LRCH1: variants seen among roughly 807,000 people sequenced by gnomAD.
The protein encoded by LRCH1 is leucine-rich repeat and calponin homology domain-containing protein 1.
In LRCH1, 23 loss-of-function variants were observed where a neutral mutation model predicts 94.9. The ratio of observed to expected loss-of-function variants is 0.24; its 90% CI spans 0.17 to 0.34. LRCH1 has a LOEUF of 0.34. LRCH1 is among the 10% of genes least tolerant of loss of function. The pLI, the probability that LRCH1 is intolerant of heterozygous loss-of-function variation, is 1.00. For missense variants in LRCH1, 790 were observed against 945.9 expected (o/e 0.84, Z 2.16); for synonymous variants, 364 against 354.9 (o/e 1.03, Z -0.29).
rs185503920 is a variant in LRCH1, at chr13:46,562,012, G to A, written c.307+8309G>A. Among the ~76,000 whole-genome samples, 6 of 152,216 alleles carry A rather than the reference G, an allele frequency of 3.9e-5. No homozygotes were observed. In the South Asian group the frequency reaches 6.2e-4, roughly 16 times the overall value. On this transcript the variant is annotated intron_variant, in intron 1 of 19. Coordinates refer to ENST00000389797, the MANE Select transcript of LRCH1 (RefSeq NM_001164211.2). Reference sequence around the variant, plus strand: ...ACTGGCCTGTGAGATTTGGCTAGACGGGACTTTTCCTGATTTTTGTATGGC... The same window carrying A: ...ACTGGCCTGTGAGATTTGGCTAGACAGGACTTTTCCTGATTTTTGTATGGC...
At chr13:46,619,620 G>A (rs1329209012) in intron 1 of LRCH1, among the ~76,000 whole-genome samples, 1 of 152,184 alleles carries the variant, frequency 6.6e-6, no homozygotes, top group Non-Finnish European at 1.5e-5. Context: ...CATTGTCAGA[G>A]TAACCTTATG....
Position 46,631,356 on chromosome 13 carries a change from A to G in LRCH1, c.308-18845A>G, listed in dbSNP as rs537839003. On this transcript the variant is annotated intron_variant, in intron 1 of 19. Transcript: ENST00000389797. ...ACTTGTCTTGGGGTTTGTCCCTCATATGTTCAGCAGCCAAACATGCTCAAT... is the reference window on the plus strand; with the variant it reads ...ACTTGTCTTGGGGTTTGTCCCTCATGTGTTCAGCAGCCAAACATGCTCAAT... Among the ~76,000 whole-genome samples the G allele has an allele frequency of 4.6e-5, 7 of 152,286 alleles. No homozygotes were observed. The South Asian group carries it at 1.2e-3, about 27-fold the overall frequency.
chr13:46,736,118 CTGTGTG>C (rs3138585), intron 19 of LRCH1, among the ~76,000 whole-genome samples: 65 of 142,212 alleles, frequency 4.6e-4, no homozygotes, highest in African/African-American at 1.1e-3. Context: ...CAAATTTGCT[CTGTGTG>C]TGTGTGTGTG....
At chr13:46,603,174 A>T (rs2050650033) in intron 1 of LRCH1, among the ~76,000 whole-genome samples, 1 of 151,974 alleles carries the variant, frequency 6.6e-6, no homozygotes, top group Non-Finnish European at 1.5e-5. Flanking sequence ...GAGCAGAGAC[A>T]CGGAGAGCCT....
intron 18 of LRCH1, chr13:46,750,450 C>A: frequency 2.2e-6 from 2 of 904,186 alleles, no homozygotes; most frequent in Non-Finnish European, 3.5e-6. Flanking sequence ...GAGTATTCAA[C>A]CTAACTTTGA....
intron 14 of LRCH1, 79 bp downstream of exon 14, chr13:46,711,923 T>A: frequency 9.4e-7 from 1 of 1,067,932 alleles, no homozygotes; most frequent in Non-Finnish European, 1.4e-6. Flanking sequence ...AAATATATAA[T>A]CTAAGACTTG....
rs542459668 is a variant in LRCH1 at position 46,669,188 on chromosome 13, T to C, written c.579+32T>C. ...TACCGATTTTTAAGATGCTCTTTTT[T>C]GTTGGTTGACTGATCATAGCCTCTC... On this transcript the variant is annotated intron_variant, in intron 3 of 19. Transcript: ENST00000389797. The C allele has an allele frequency of 4.8e-5, 78 of 1,610,098 alleles. No homozygotes were observed. In the East Asian group the frequency reaches 5.1e-4, roughly 11 times the overall value.
intron 15 of LRCH1, among the ~76,000 whole-genome samples, chr13:46,714,762 A>G (rs562645528): frequency 6.6e-6 from 1 of 152,360 alleles, no homozygotes; most frequent in South Asian, 2.1e-4. Context: ...AAATTGCCAT[A>G]TGGATATTTA....
rs76959503 is a variant in LRCH1 at position 46,620,440 on chromosome 13, G to C, written c.308-29761G>C. Reference sequence around the variant, plus strand: ...GACATGCTATGTCCACTGTTCCATGGTATGTGCCTTTATATTCAGTTATTC... The same window carrying C: ...GACATGCTATGTCCACTGTTCCATGCTATGTGCCTTTATATTCAGTTATTC... On this transcript the variant is annotated intron_variant, in intron 1 of 19. Transcript: ENST00000389797. 7.7e-3 allele frequency among the ~76,000 whole-genome samples: 1,170 copies of C among 152,126 alleles called. 14 individuals carry two copies. The highest frequency in any genetic ancestry group is 0.026 in the African/African-American group (1,095 of 41,504).
intron 10 of LRCH1, 132 bp downstream of exon 10, chr13:46,699,535 A>G: frequency 1.3e-6 from 1 of 768,772 alleles, no homozygotes; most frequent in Admixed American, 2.3e-5. Flanking sequence ...GACAATATTG[A>G]TAAGAAGTTG....
chr13:46,603,049 A>G (rs1264653163), intron 1 of LRCH1, among the ~76,000 whole-genome samples: 1 of 152,208 alleles, frequency 6.6e-6, no homozygotes, highest in Non-Finnish European at 1.5e-5. Flanking sequence ...AAATGGCTGT[A>G]TCTTTATAAT....
chr13:46,743,477 T>C lies in LRCH1; in HGVS notation c.*1629T>C, dbSNP rs189212131. ...GTATATGAATAACCCACAGATGTAC[T>C]GAATTACTTTTGGTGCTATCTTGTA... On this transcript the variant is annotated 3_prime_UTR_variant, in exon 20 of 20. Transcript: ENST00000389797. 3.0e-6 allele frequency: 3 copies of C among 985,852 alleles called. No homozygotes were observed. The African/African-American group carries it at 5.2e-5, about 17-fold the overall frequency. The allele number at this position is 985,852 out of a possible 1,614,324, so 61.1% of individuals were successfully genotyped here.
At chr13:46,642,400 T>C (rs1393451358) in intron 1 of LRCH1, among the ~76,000 whole-genome samples, 1 of 152,236 alleles carries the variant, frequency 6.6e-6, no homozygotes, top group East Asian at 1.9e-4. Flanking sequence ...CTCAGTGTCC[T>C]TGGACAAGTT....
chr13:46,584,063 A>G (rs1295435655), intron 1 of LRCH1, among the ~76,000 whole-genome samples: 1 of 151,136 alleles, frequency 6.6e-6, no homozygotes, highest in East Asian at 2.0e-4. Flanking sequence ...GGCAGTGGTT[A>G]AAGACTGAAA....
intron 1 of LRCH1, among the ~76,000 whole-genome samples, chr13:46,562,368 T>G (rs2050139004): frequency 6.6e-6 from 1 of 152,204 alleles, no homozygotes; most frequent in South Asian, 2.1e-4. Flanking sequence ...GTCGGCAGGT[T>G]TGATTCTCCT....
intron 5 of LRCH1, among the ~76,000 whole-genome samples, chr13:46,687,611 A>T (rs1256602788): frequency 2.0e-5 from 3 of 152,128 alleles, no homozygotes; most frequent in Non-Finnish European, 4.4e-5. Flanking sequence ...TTAGAGTTTT[A>T]TAGTTTAATG....
At chr13:46,585,274 A>G (rs2050418007) in intron 1 of LRCH1, among the ~76,000 whole-genome samples, 1 of 152,168 alleles carries the variant, frequency 6.6e-6, no homozygotes. Context: ...GAATTCTGCT[A>G]CTCATAAGAA....
At position 46,744,672 on chromosome 13, in the gene LRCH1, C is replaced by T. The variant is rs757255023; in HGVS notation, c.*2824C>T. 3.7e-5 allele frequency: 36 copies of T among 985,370 alleles called. No individual in the cohort carries two copies. The highest frequency in any genetic ancestry group is 4.7e-5 in the South Asian group (1 of 21,282). The allele number at this position is 985,370 out of a possible 1,614,324, so 61.0% of individuals were successfully genotyped here. On this transcript the variant is annotated 3_prime_UTR_variant, in exon 20 of 20. Transcript: ENST00000389797. ...GCGCGTGGTGAGCTGGGTTATCTCT[C>T]GAAAACTCATGTAGATGCCTGATTG...
intron 1 of LRCH1, among the ~76,000 whole-genome samples, chr13:46,588,026 G>A (rs2050454153): frequency 1.3e-5 from 2 of 152,120 alleles, no homozygotes; most frequent in Admixed American, 6.5e-5. Flanking sequence ...AAAATCAGAG[G>A]AATGTGCAAA....
Sources: gnomAD v4.1 joint callset for allele counts (sites outside exome capture counted in the v4.1 genomes callset) on GRCh38, gnomAD v4.1.1 for gene constraint, MANE v1.5 for transcripts, NCBI Gene and HGNC (gene_info 2026-07-23, HGNC 2026-07-21) for gene names.